Variants in NXPE2 observed in about 807,000 individuals in gnomAD.
The protein encoded by NXPE2 is neurexophilin and PC-esterase domain family member 2, also known as NXPE family member 2.
A neutral mutation model predicts 34.4 loss-of-function variants in NXPE2; 34 were observed. The ratio of observed to expected loss-of-function variants is 0.99; its 90% CI spans 0.75 to 1.31. NXPE2 has a LOEUF of 1.31. NXPE2 is among the 40% of genes most tolerant of loss of function. The pLI is 0.00. For synonymous variants in NXPE2, 235 were observed against 231.3 expected, an observed-to-expected ratio of 1.02 and a Z score of -0.15; for missense variants, 649 against 672.5, an observed-to-expected ratio of 0.97 and a Z score of 0.39.
the NXPE2 span, among the ~76,000 whole-genome samples, chr11:114,809,205 G>A: frequency 1.3e-5 from 2 of 151,836 alleles, no homozygotes; most frequent in African/African-American, 4.8e-5. Flanking sequence ...AAAATAATAA[G>A]AGCTATCTAT....
the NXPE2 span, among the ~76,000 whole-genome samples, chr11:114,766,713 G>T: frequency 6.6e-6 from 1 of 151,872 alleles, no homozygotes. Context: ...CAGTGTTCAG[G>T]TTCATGCTGA....
At chr11:114,656,453 G>A in the NXPE2 span, among the ~76,000 whole-genome samples, 1 of 152,086 alleles carries the variant, frequency 6.6e-6, no homozygotes, top group Admixed American at 6.6e-5. Context: ...TGGAATCAAA[G>A]AAGACCCTCT....
chr11:114,538,081 A>T, the NXPE2 span, among the ~76,000 whole-genome samples: 1 of 152,200 alleles, frequency 6.6e-6, no homozygotes, highest in African/African-American at 2.4e-5. Flanking sequence ...CAAAACAGAG[A>T]TGTAGACCAA....
chr11:114,478,954 C>T, the NXPE2 span, among the ~76,000 whole-genome samples: 3 of 152,116 alleles, frequency 2.0e-5, no homozygotes, highest in Non-Finnish European at 2.9e-5. Context: ...AGTGGTATTA[C>T]CAGCAGGAGC....
the NXPE2 span, among the ~76,000 whole-genome samples, chr11:114,781,767 T>C: frequency 1.3e-5 from 2 of 152,132 alleles, no homozygotes; most frequent in African/African-American, 2.4e-5. Context: ...GAGCCCTTCC[T>C]CCTTCACCTC....
chr11:114,527,917 A>C, the NXPE2 span: 1 of 1,495,040 alleles, frequency 6.7e-7, no homozygotes. Context: ...AAAAAAAAAT[A>C]GAACAATAAA....
the NXPE2 span, among the ~76,000 whole-genome samples, chr11:114,800,499 G>A: frequency 7.3e-4 from 111 of 152,232 alleles, 1 homozygote; most frequent in African/African-American, 1.7e-3. Flanking sequence ...CTTTTGAGTC[G>A]TATTTTATGC....
chr11:114,470,582 C>CGTGT, the NXPE2 span, among the ~76,000 whole-genome samples: 17,848 of 144,666 alleles, frequency 0.12, 1,116 homozygotes, highest in Admixed American at 0.16. Context: ...AAAGAATTGA[C>CGTGT]GTGTGTGTGT....
At chr11:114,467,745 G>A in the NXPE2 span, among the ~76,000 whole-genome samples, 168 of 152,030 alleles carry the variant, frequency 1.1e-3, 3 homozygotes, top group East Asian at 0.031. Context: ...GGCCAGCCTG[G>A]GAAACATGGT....
chr11:114,692,363 A>G (rs1311956461), intron 2 of NXPE2, among the ~76,000 whole-genome samples: 1 of 152,016 alleles, frequency 6.6e-6, no homozygotes, highest in Non-Finnish European at 1.5e-5. Flanking sequence ...GGGTGCACCC[A>G]TTCTCCCCCT....
the NXPE2 span, among the ~76,000 whole-genome samples, chr11:114,783,178 T>TG: frequency 6.6e-6 from 1 of 152,332 alleles, no homozygotes; most frequent in South Asian, 2.1e-4. Flanking sequence ...TTAGGACACG[T>TG]GCTTCTCTCC....
the NXPE2 span, among the ~76,000 whole-genome samples, chr11:114,760,936 A>G: frequency 6.6e-6 from 1 of 152,140 alleles, no homozygotes; most frequent in Admixed American, 6.5e-5. Context: ...GTCACTGCCT[A>G]ATCACTTTAT....
At chr11:114,660,002 G>A in the NXPE2 span, among the ~76,000 whole-genome samples, 1 of 152,040 alleles carries the variant, frequency 6.6e-6, no homozygotes, top group Non-Finnish European at 1.5e-5. Context: ...AGACTGATAA[G>A]GGAATACTAA....
At chr11:114,645,301 G>A in the NXPE2 span, among the ~76,000 whole-genome samples, 204 of 151,854 alleles carry the variant, frequency 1.3e-3, no homozygotes, top group African/African-American at 4.5e-3. Flanking sequence ...ACTCCATCTC[G>A]AAAATAAATA....
At chr11:114,660,247 A>G in the NXPE2 span, among the ~76,000 whole-genome samples, 1 of 152,060 alleles carries the variant, frequency 6.6e-6, no homozygotes, top group African/African-American at 2.4e-5. Flanking sequence ...AATACTAACA[A>G]TTCTACTGAT....
chr11:114,769,514 A>C, the NXPE2 span, among the ~76,000 whole-genome samples: 4 of 152,344 alleles, frequency 2.6e-5, no homozygotes, highest in South Asian at 8.3e-4. Context: ...ATGCACATGT[A>C]TGTTTATTGC....
the NXPE2 span, among the ~76,000 whole-genome samples, chr11:114,622,756 A>C: frequency 2.6e-5 from 4 of 152,148 alleles, no homozygotes; most frequent in African/African-American, 9.6e-5. Flanking sequence ...CCAGCGGATA[A>C]GTGTTGCCTC....
At chr11:114,721,452 A>T in the NXPE2 span, among the ~76,000 whole-genome samples, 1 of 152,136 alleles carries the variant, frequency 6.6e-6, no homozygotes, top group African/African-American at 2.4e-5. Context: ...GTTTCTTGTC[A>T]GGACTATGCC....
chr11:114,533,444 C>G, the NXPE2 span, among the ~76,000 whole-genome samples: 1 of 152,170 alleles, frequency 6.6e-6, no homozygotes. Context: ...GGGTGCAGGA[C>G]AGTGGATGCA....
Sources: gnomAD v4.1 joint callset for allele counts (sites outside exome capture counted in the v4.1 genomes callset) on GRCh38, gnomAD v4.1.1 for gene constraint, MANE v1.5 for transcripts, NCBI Gene and HGNC (gene_info 2026-07-23, HGNC 2026-07-21) for gene names.